PTPN2: variants seen among roughly 807,000 people sequenced by gnomAD.
The protein encoded by PTPN2 is protein tyrosine phosphatase non-receptor type 2, also known as tyrosine-protein phosphatase non-receptor type 2.
PTPN2 carries 19 observed loss-of-function variants against 57.3 expected under a neutral mutation model. The observed-to-expected ratio is 0.33, with a 90% CI of 0.23 to 0.49. The LOEUF is 0.49. Among genes scored for constraint, PTPN2 ranks in the 20% least tolerant of loss-of-function variants. The pLI is 0.99. For missense variants in PTPN2, 358 were observed against 501.1 expected (o/e 0.71, Z 2.73); for synonymous variants, 153 against 164.9 (o/e 0.93, Z 0.55).
At chr18:12,883,640 G>C (rs1315399650) in intron 1 of PTPN2, 1 of 154,602 alleles carries the variant, frequency 6.5e-6, no homozygotes, top group Non-Finnish European at 1.4e-5. Context: ...CACCCGGCCA[G>C]AGAAAGAGCT....
intron 5 of PTPN2, 97 bp from the exon 6 acceptor site, chr18:12,817,462 CATATAG>C (rs1416685697): frequency 2.3e-6 from 2 of 882,082 alleles, no homozygotes; most frequent in Middle Eastern, 2.3e-4. Context: ...TCTTTAAAGC[CATATAG>C]GCTGTTTATA....
At chr18:12,799,689 C>T (rs1157224059) in intron 8 of PTPN2, among the ~76,000 whole-genome samples, 1 of 151,870 alleles carries the variant, frequency 6.6e-6, no homozygotes, top group Non-Finnish European at 1.5e-5. Flanking sequence ...AGCAATTCTC[C>T]CACCTCAGCC....
intron 4 of PTPN2, among the ~76,000 whole-genome samples, chr18:12,830,322 G>A (rs1158280950): frequency 2.0e-5 from 3 of 151,970 alleles, no homozygotes; most frequent in Non-Finnish European, 1.5e-5. Context: ...TAGTAGAGAC[G>A]GGGTTTCACC....
At chr18:12,852,706 CT>C (rs1439919989) in intron 2 of PTPN2, among the ~76,000 whole-genome samples, 1 of 152,144 alleles carries the variant, frequency 6.6e-6, no homozygotes, top group Non-Finnish European at 1.5e-5. Context: ...TTAAAATATC[CT>C]TTTTCCTTTA....
intron 1 of PTPN2, among the ~76,000 whole-genome samples, chr18:12,870,402 CACGTATATATATGTATATATAT>C (rs1451496258): frequency 2.1e-5 from 1 of 46,580 alleles, no homozygotes; most frequent in Non-Finnish European, 3.3e-5. Flanking sequence ...TGTATATATA[CACGTATATATATGTATATATAT>C]ACGTATATAT....
chr18:12,836,877 C>T lies in PTPN2; in HGVS notation c.175G>A (p.Val59Ile). ...TCATTCTCAGCATTTTGCAGTTTAA[C>T]ACGACTGTGATCATCTGAAAATAGA... ...RDVSPYDHSR[V>I]KLQNAENDYI... The change falls in exon 3 of 9, where the codon GTT becomes ATT. Residue 59 changes from valine to isoleucine, a missense_variant. Coordinates refer to ENST00000309660, the MANE Select transcript of PTPN2 (RefSeq NM_002828.4). The T allele has an allele frequency of 6.2e-7, 1 of 1,606,702 alleles. No homozygotes were observed. Among genetic ancestry groups the T allele is most frequent in the Middle Eastern group, 1.9e-4 (1 of 5,374 alleles).
At chr18:12,841,104 A>G in intron 2 of PTPN2, 1 of 791,196 alleles carries the variant, frequency 1.3e-6, no homozygotes, top group Non-Finnish European at 1.8e-6. Context: ...CTGATACTTT[A>G]TTGCATAAAA....
At position 12,875,539 on chromosome 18, in the gene PTPN2, G is replaced by T. The variant is rs535388580; in HGVS notation, c.69+8534C>A. On this transcript the variant is annotated intron_variant, in intron 1 of 8. Transcript: ENST00000309660. Reference sequence around the variant, plus strand: ...TTATTAAAAGTTCAGTTTATTAGTTGGTTTAAATATCCTCTGACTCTCAAC... The same window carrying T: ...TTATTAAAAGTTCAGTTTATTAGTTTGTTTAAATATCCTCTGACTCTCAAC... Among the ~76,000 whole-genome samples the T allele has an allele frequency of 4.5e-4, 68 of 152,134 alleles. 1 individual carries two copies. The highest frequency in any genetic ancestry group is 1.4e-3 in the Admixed American group (22 of 15,292).
chr18:12,817,774 C>G (rs1034139997), intron 5 of PTPN2, among the ~76,000 whole-genome samples: 1 of 152,206 alleles, frequency 6.6e-6, no homozygotes, highest in Non-Finnish European at 1.5e-5. Flanking sequence ...TTCTCAGCTA[C>G]TAATCTGTTA....
intron 1 of PTPN2, among the ~76,000 whole-genome samples, chr18:12,870,433 ATATATG>A (rs2044203621): frequency 3.0e-5 from 1 of 33,486 alleles, no homozygotes; most frequent in Non-Finnish European, 4.6e-5. Flanking sequence ...ATACGTATAT[ATATATG>A]TGTATATATA....
intron 8 of PTPN2, among the ~76,000 whole-genome samples, chr18:12,795,889 G>A (rs2041160811): frequency 6.6e-6 from 1 of 151,328 alleles, no homozygotes; most frequent in Non-Finnish European, 1.5e-5. Context: ...TTATTGCCAT[G>A]GTAATTTTTC....
intron 2 of PTPN2, among the ~76,000 whole-genome samples, chr18:12,837,939 GT>G (rs1412095884): frequency 6.6e-6 from 1 of 152,074 alleles, no homozygotes; most frequent in East Asian, 1.9e-4. Context: ...TCTTGTTATA[GT>G]AAATCACATA....
chr18:12,830,804 G>T (rs183567950), intron 4 of PTPN2, 139 bp downstream of exon 4: 4 of 547,128 alleles, frequency 7.3e-6, no homozygotes, highest in Non-Finnish European at 1.3e-5. Flanking sequence ...GAGTTTTTCC[G>T]GACAGAAACA....
chr18:12,854,230 T>C (rs533477661), intron 2 of PTPN2, among the ~76,000 whole-genome samples: 60 of 151,820 alleles, frequency 4.0e-4, no homozygotes, highest in Non-Finnish European at 7.2e-4. Context: ...CATGGTGGCA[T>C]GCACCTGTAG....
At chr18:12,806,275 T>C (rs893081620) in intron 7 of PTPN2, among the ~76,000 whole-genome samples, 2 of 152,034 alleles carry the variant, frequency 1.3e-5, no homozygotes, top group African/African-American at 2.4e-5. Context: ...ATCTCTATAA[T>C]GAAAATTATA....
intron 6 of PTPN2, among the ~76,000 whole-genome samples, chr18:12,815,355 T>G (rs1234982570): frequency 6.6e-6 from 1 of 151,772 alleles, no homozygotes; most frequent in Non-Finnish European, 1.5e-5. Flanking sequence ...GAGGTTGCAG[T>G]GAGCTGAGAT....
At position 12,870,318 on chromosome 18, in the gene PTPN2, T is replaced by TAC. The variant is rs1491526480; in HGVS notation, c.70-11065_70-11064insGT. On this transcript the variant is annotated intron_variant, in intron 1 of 8. Coordinates refer to ENST00000309660, the MANE Select transcript of PTPN2 (RefSeq NM_002828.4). ...ATATATGTGTATATATACATATATA[T>TAC]GTGTATATATATGTATATATATACA... 8.4e-4 allele frequency among the ~76,000 whole-genome samples: 39 copies of TAC among 46,294 alleles called. 6 individuals carry two copies. The highest frequency in any genetic ancestry group is 9.1e-3 in the Middle Eastern group (1 of 110). 30.4% of individuals were successfully genotyped at this position (46,294 alleles called of 152,430 possible).
intron 4 of PTPN2, among the ~76,000 whole-genome samples, chr18:12,827,119 G>A (rs1192902910): frequency 2.6e-5 from 4 of 151,622 alleles, no homozygotes; most frequent in Admixed American, 6.6e-5. Context: ...TGAGGCAGGC[G>A]GATCATGAGG....
At chr18:12,786,644 C>T (rs750267858) in intron 9 of PTPN2, 3 of 152,158 alleles carry the variant, frequency 2.0e-5, no homozygotes, top group Non-Finnish European at 2.9e-5. Context: ...CCCTCAGTAC[C>T]GCAAAACCTC....
Sources: allele counts gnomAD v4.1 joint callset (sites outside exome capture counted in the v4.1 genomes callset), GRCh38; gene constraint gnomAD v4.1.1; transcripts MANE v1.5; gene names NCBI Gene and HGNC (gene_info 2026-07-23, HGNC 2026-07-21).